Variants in CSMD1 observed in about 807,000 individuals in gnomAD.
CSMD1 encodes the protein CUB and sushi domain-containing protein 1.
Under a neutral mutation model 417.5 loss-of-function variants are expected in CSMD1, and 213 were observed. That is an observed-to-expected ratio of 0.51 (90% CI 0.46 to 0.57). CSMD1 has a LOEUF of 0.57. Ranked by LOEUF, CSMD1 falls within the 20% of genes least tolerant of loss-of-function variation. The probability of loss-of-function intolerance (pLI) is 0.00; values close to 1 mark genes in which losing one functional copy is unlikely to be tolerated. For synonymous variants in CSMD1, 2,862 were observed against 1,736.8 expected, an observed-to-expected ratio of 1.65 and a Z score of -16.11; for missense variants, 6,923 against 4,529.7, an observed-to-expected ratio of 1.53 and a Z score of -15.17.
At chr8:3,171,695 A>C (rs1363017664) in intron 37 of CSMD1, among the ~76,000 whole-genome samples, 3 of 152,342 alleles carry the variant, frequency 2.0e-5, no homozygotes, top group Non-Finnish European at 2.9e-5. Context: ...CTGAAACCAA[A>C]GGAATTATTT....
intron 3 of CSMD1, among the ~76,000 whole-genome samples, chr8:4,098,526 A>G (rs17068968): frequency 6.6e-6 from 1 of 152,228 alleles, no homozygotes; most frequent in East Asian, 1.9e-4. Context: ...TGCGAAGTCA[A>G]CCACAGAGAG....
At chr8:4,671,166 T>A (rs1805300761) in intron 1 of CSMD1, among the ~76,000 whole-genome samples, 2 of 152,230 alleles carry the variant, frequency 1.3e-5, no homozygotes, top group Admixed American at 1.3e-4. Flanking sequence ...TTTATGTACC[T>A]ATGATGCTTA....
intron 5 of CSMD1, among the ~76,000 whole-genome samples, chr8:3,758,691 T>C (rs1797813965): frequency 6.6e-6 from 1 of 152,230 alleles, no homozygotes; most frequent in Non-Finnish European, 1.5e-5. Context: ...TTCAACTGAA[T>C]GGCTTTGTGG....
chr8:2,961,347 AAAGTTAAAAAT>A, intron 61 of CSMD1, 133 bp from the exon 62 acceptor site: 1 of 437,860 alleles, frequency 2.3e-6, no homozygotes, highest in Non-Finnish European at 4.1e-6. Flanking sequence ...GTTTTTCAGG[AAAGTTAAAAAT>A]TAAATTGCTA....
At chr8:4,775,435 A>G (rs1219206997) in intron 1 of CSMD1, among the ~76,000 whole-genome samples, 2 of 136,896 alleles carry the variant, frequency 1.5e-5, no homozygotes, top group Non-Finnish European at 3.4e-5. Context: ...GAATCTAAAT[A>G]AAGTCTGTGC....
intron 10 of CSMD1, among the ~76,000 whole-genome samples, chr8:3,571,669 G>A (rs979897086): frequency 2.0e-5 from 3 of 151,906 alleles, no homozygotes; most frequent in Non-Finnish European, 4.4e-5. Context: ...CCGAGCTCGG[G>A]GGTCCTGTGT....
intron 6 of CSMD1, among the ~76,000 whole-genome samples, chr8:3,733,259 C>CACAT (rs373166100): frequency 0.86 from 127,306 of 147,258 alleles, 55,200 homozygotes; most frequent in East Asian, 1. Context: ...AATATATATA[C>CACAT]ACATACACAT....
At chr8:3,935,872 A>C (rs1487047746) in intron 5 of CSMD1, among the ~76,000 whole-genome samples, 1 of 152,184 alleles carries the variant, frequency 6.6e-6, no homozygotes, top group East Asian at 1.9e-4. Flanking sequence ...CATTGGCCTT[A>C]GTGAGAAAAG....
intron 3 of CSMD1, among the ~76,000 whole-genome samples, chr8:4,078,812 G>C (rs1204659177): frequency 6.7e-6 from 1 of 148,410 alleles, no homozygotes; most frequent in Non-Finnish European, 1.5e-5. Context: ...AAGGCAGGTA[G>C]ATTACTTGAG....
intron 26 of CSMD1, among the ~76,000 whole-genome samples, chr8:3,262,911 G>C (rs930087293): frequency 6.6e-6 from 1 of 152,144 alleles, no homozygotes; most frequent in Non-Finnish European, 1.5e-5. Context: ...TTCATTGCAA[G>C]AGAAAACTCA....
At chr8:4,276,614 G>T (rs1023955394) in intron 3 of CSMD1, among the ~76,000 whole-genome samples, 58 of 152,222 alleles carry the variant, frequency 3.8e-4, no homozygotes, top group African/African-American at 1.3e-3. Flanking sequence ...AATAAAAAAA[G>T]TGATACACAT....
intron 5 of CSMD1, among the ~76,000 whole-genome samples, chr8:3,762,153 T>A (rs189969007): frequency 6.6e-6 from 1 of 152,040 alleles, no homozygotes; most frequent in South Asian, 2.1e-4. Flanking sequence ...ATCGCCCCCA[T>A]CCCCTGCTTT....
chr8:3,303,501 T>C (rs990779444), intron 25 of CSMD1, among the ~76,000 whole-genome samples: 1 of 152,212 alleles, frequency 6.6e-6, no homozygotes, highest in African/African-American at 2.4e-5. Context: ...CCAATGTTTT[T>C]CATACTGTGC....
chr8:3,016,078 T>C (rs1322036028), intron 52 of CSMD1, among the ~76,000 whole-genome samples: 1 of 152,234 alleles, frequency 6.6e-6, no homozygotes, highest in Non-Finnish European at 1.5e-5. Context: ...CTATGCTTTC[T>C]TTCTTATCTG....
At chr8:3,812,943 C>G (rs1391870070) in intron 5 of CSMD1, among the ~76,000 whole-genome samples, 2 of 152,086 alleles carry the variant, frequency 1.3e-5, no homozygotes, top group Admixed American at 6.6e-5. Flanking sequence ...CGTCAGGTAT[C>G]TATCATGGTA....
chr8:3,763,720 G>A (rs1034292575), intron 5 of CSMD1, among the ~76,000 whole-genome samples: 1 of 152,126 alleles, frequency 6.6e-6, no homozygotes, highest in African/African-American at 2.4e-5. Context: ...GATAAACCCT[G>A]TACCTTTGTA....
At chr8:4,135,907 T>G (rs1383216895) in intron 3 of CSMD1, among the ~76,000 whole-genome samples, 1 of 152,202 alleles carries the variant, frequency 6.6e-6, no homozygotes, top group African/African-American at 2.4e-5. Context: ...GATGTTTTAT[T>G]TAGCATATGT....
At chr8:4,465,293 G>C (rs143865206) in intron 2 of CSMD1, among the ~76,000 whole-genome samples, 29 of 152,236 alleles carry the variant, frequency 1.9e-4, no homozygotes, top group African/African-American at 7.0e-4. Flanking sequence ...TGCTAACCCA[G>C]ACACTAGGAT....
chr8:3,481,416 T>C (rs542444627), intron 11 of CSMD1, among the ~76,000 whole-genome samples: 2 of 152,054 alleles, frequency 1.3e-5, no homozygotes, highest in South Asian at 2.1e-4. Context: ...TTTCAAAAAG[T>C]TGAAGGGGTA....
Sources: gnomAD v4.1 joint callset for allele counts (sites outside exome capture counted in the v4.1 genomes callset) on GRCh38, gnomAD v4.1.1 for gene constraint, MANE v1.5 for transcripts, NCBI Gene and HGNC (gene_info 2026-07-23, HGNC 2026-07-21) for gene names.